The following CADM2 variants were observed in gnomAD, a reference collection of about 807,000 sequenced individuals.
CADM2 encodes cell adhesion molecule 2.
CADM2 carries 12 observed loss-of-function variants against 49.8 expected under a neutral mutation model. That is an observed-to-expected ratio of 0.24 (90% confidence interval 0.15 to 0.39). The LOEUF is 0.39. CADM2 is among the 10% of genes least tolerant of loss of function. The probability of loss-of-function intolerance (pLI) is 1.00; values close to 1 mark genes in which losing one functional copy is unlikely to be tolerated. For missense variants in CADM2, 378 were observed against 492.3 expected (o/e 0.77, Z 2.20); for synonymous variants, 214 against 175.4 (o/e 1.22, Z -1.74).
At chr3:86,012,985 A>C (rs1324425391) in intron 8 of CADM2, 3 of 879,534 alleles carry the variant, frequency 3.4e-6, no homozygotes, top group Admixed American at 3.6e-5. Context: ...AAACAAAAAC[A>C]AAAACCTGAT....
chr3:85,104,072 T>C (rs2038117189), intron 1 of CADM2, among the ~76,000 whole-genome samples: 1 of 152,124 alleles, frequency 6.6e-6, no homozygotes, highest in South Asian at 2.1e-4. Context: ...TTTGTCAATT[T>C]TGGCTTTTGT....
At chr3:85,685,100 A>G (rs2066162577) in intron 1 of CADM2, among the ~76,000 whole-genome samples, 1 of 152,138 alleles carries the variant, frequency 6.6e-6, no homozygotes, top group Non-Finnish European at 1.5e-5. Flanking sequence ...CAAATACAAA[A>G]AATTATCCGG....
intron 1 of CADM2, among the ~76,000 whole-genome samples, chr3:85,164,222 G>T (rs1576020604): frequency 6.6e-6 from 1 of 152,054 alleles, no homozygotes; most frequent in Non-Finnish European, 1.5e-5. Flanking sequence ...AAGGTGAGCT[G>T]GGTTATGATT....
chr3:85,395,425 T>C (rs1407794217), intron 1 of CADM2, among the ~76,000 whole-genome samples: 1 of 151,920 alleles, frequency 6.6e-6, no homozygotes, highest in African/African-American at 2.4e-5. Flanking sequence ...TTAAAATCAA[T>C]TGAATTTAAT....
chr3:85,321,624 A>G (rs1172749758), intron 1 of CADM2, among the ~76,000 whole-genome samples: 1 of 152,122 alleles, frequency 6.6e-6, no homozygotes, highest in Non-Finnish European at 1.5e-5. Flanking sequence ...AAACAGTATA[A>G]TTTGATTTTA....
At chr3:85,806,036 A>G (rs1311606634) in intron 3 of CADM2, among the ~76,000 whole-genome samples, 2 of 152,130 alleles carry the variant, frequency 1.3e-5, no homozygotes, top group Admixed American at 6.6e-5. Context: ...TTATATCTCA[A>G]ATGATTAGAA....
intron 8 of CADM2, among the ~76,000 whole-genome samples, chr3:86,003,024 T>C (rs1559794154): frequency 6.6e-6 from 1 of 152,186 alleles, no homozygotes; most frequent in Non-Finnish European, 1.5e-5. Flanking sequence ...AAATTCCCCT[T>C]CCTCTTCAAG....
chr3:85,694,422 G>C (rs1457823915), intron 1 of CADM2, among the ~76,000 whole-genome samples: 2 of 152,180 alleles, frequency 1.3e-5, no homozygotes, highest in Non-Finnish European at 2.9e-5. Flanking sequence ...TTTAGGGAGA[G>C]AGAACTCAGC....
At chr3:85,007,960 C>T (rs2033818072) in intron 1 of CADM2, among the ~76,000 whole-genome samples, 1 of 152,096 alleles carries the variant, frequency 6.6e-6, no homozygotes, top group East Asian at 1.9e-4. Flanking sequence ...TGCAGAATTT[C>T]TAGGAATTTG....
intron 1 of CADM2, among the ~76,000 whole-genome samples, chr3:85,001,556 T>G (rs563892078): frequency 7.9e-4 from 120 of 152,188 alleles, no homozygotes; most frequent in African/African-American, 2.8e-3. Context: ...CAAGTGATAT[T>G]TTTTGCTCAC....
intron 1 of CADM2, among the ~76,000 whole-genome samples, chr3:85,175,352 C>T (rs545585687): frequency 2.6e-5 from 4 of 152,214 alleles, no homozygotes; most frequent in African/African-American, 9.6e-5. Context: ...AAGGTGGAAG[C>T]AACCTAAGTG....
chr3:85,406,433 A>G (rs890806470), intron 1 of CADM2, among the ~76,000 whole-genome samples: 2 of 152,238 alleles, frequency 1.3e-5, no homozygotes, highest in Non-Finnish European at 2.9e-5. Context: ...AATATTTAAT[A>G]TAGTATGAAA....
At chr3:85,946,773 T>C (rs1358665662) in intron 7 of CADM2, among the ~76,000 whole-genome samples, 3 of 152,106 alleles carry the variant, frequency 2.0e-5, no homozygotes, top group African/African-American at 7.2e-5. Context: ...ATCCCTTCCT[T>C]ACACCTTATA....
At chr3:85,221,244 C>A (rs2107792153) in intron 1 of CADM2, among the ~76,000 whole-genome samples, 1 of 152,124 alleles carries the variant, frequency 6.6e-6, no homozygotes, top group Middle Eastern at 3.4e-3. Flanking sequence ...GGTTGAATCA[C>A]AGTAATTTAA....
At chr3:85,224,409 T>C (rs895517373) in intron 1 of CADM2, among the ~76,000 whole-genome samples, 3 of 152,192 alleles carry the variant, frequency 2.0e-5, no homozygotes, top group African/African-American at 7.2e-5. Context: ...TTTTGAGAAG[T>C]GTCTGTTCAT....
chr3:85,624,363 C>T (rs931979540), intron 1 of CADM2, among the ~76,000 whole-genome samples: 20 of 152,112 alleles, frequency 1.3e-4, no homozygotes, highest in East Asian at 5.8e-4. Flanking sequence ...GATGGAGTCC[C>T]GCTCTGTCAT....
At chr3:85,417,598 T>A (rs944589492) in intron 1 of CADM2, among the ~76,000 whole-genome samples, 2 of 152,176 alleles carry the variant, frequency 1.3e-5, no homozygotes, top group African/African-American at 4.8e-5. Context: ...CATAGCTGTT[T>A]AATTATTTTA....
chr3:86,001,040 T>C (rs933448480), intron 8 of CADM2, among the ~76,000 whole-genome samples: 15 of 152,148 alleles, frequency 9.9e-5, no homozygotes, highest in African/African-American at 3.6e-4. Flanking sequence ...GTCAGAATTA[T>C]AGACAGAAAG....
intron 8 of CADM2, among the ~76,000 whole-genome samples, chr3:86,027,130 G>A (rs536375734): frequency 1.3e-5 from 2 of 152,202 alleles, no homozygotes; most frequent in Non-Finnish European, 2.9e-5. Flanking sequence ...TTATTTTTAA[G>A]TTTGCTATTT....
Sources: allele counts gnomAD v4.1 joint callset (sites outside exome capture counted in the v4.1 genomes callset), GRCh38; gene constraint gnomAD v4.1.1; transcripts MANE v1.5; gene names NCBI Gene and HGNC (gene_info 2026-07-23, HGNC 2026-07-21).